ATP8A2: variants seen among roughly 807,000 people sequenced by gnomAD.
ATP8A2 encodes ATPase phospholipid transporting 8A2.
A neutral mutation model predicts 165.6 loss-of-function variants in ATP8A2; 100 were observed. The observed-to-expected ratio is 0.60, with a 90% CI of 0.51 to 0.71. The LOEUF (loss-of-function observed/expected upper bound fraction) is 0.71. Ranked by LOEUF, ATP8A2 falls within the 30% of genes least tolerant of loss-of-function variation. ATP8A2 has a pLI of 0.00. For missense variants in ATP8A2, 1,227 were observed against 1,479.5 expected, an observed-to-expected ratio of 0.83 and a Z score of 2.80; for synonymous variants, 543 against 548.8, an observed-to-expected ratio of 0.99 and a Z score of 0.15.
chr13:25,529,747 G>A lies in ATP8A2; in HGVS notation c.222-252G>A, dbSNP rs527784450. Among the ~76,000 whole-genome samples the A allele has an allele frequency of 1.3e-3, 202 of 152,242 alleles. 2 individuals carry two copies. Among genetic ancestry groups the A allele is most frequent in the African/African-American group, 4.1e-3 (169 of 41,554 alleles). Reference sequence around the variant, plus strand: ...GGGTAGATGTCTCTGCTTATGTTGTGTGAAAATTAAAGAAGCACATGTATA... The same window carrying A: ...GGGTAGATGTCTCTGCTTATGTTGTATGAAAATTAAAGAAGCACATGTATA... On this transcript the variant is annotated intron_variant, in intron 2 of 36. Transcript: ENST00000381655.
intron 27 of ATP8A2, among the ~76,000 whole-genome samples, chr13:25,794,711 A>ATATATAT (rs1279531623): frequency 1.3e-5 from 2 of 152,156 alleles, no homozygotes; most frequent in African/African-American, 4.8e-5. Context: ...AGAAACAGAT[A>ATATATAT]TATATATTCC....
intron 33 of ATP8A2, among the ~76,000 whole-genome samples, chr13:25,923,189 T>A (rs1037124181): frequency 6.6e-6 from 1 of 152,180 alleles, no homozygotes; most frequent in African/African-American, 2.4e-5. Context: ...ACAATACCAG[T>A]CAAGTTTCCC....
At chr13:25,884,452 G>A (rs146993287) in intron 33 of ATP8A2, among the ~76,000 whole-genome samples, 1 of 152,312 alleles carries the variant, frequency 6.6e-6, no homozygotes, top group East Asian at 1.9e-4. Flanking sequence ...CTTCTCGCGG[G>A]TGCCTTCTAG....
chr13:26,014,235 T>C (rs917914407), intron 36 of ATP8A2, among the ~76,000 whole-genome samples: 3 of 152,220 alleles, frequency 2.0e-5, no homozygotes, highest in African/African-American at 7.2e-5. Flanking sequence ...GAGAACTTAC[T>C]GGATGCCAGA....
intron 24 of ATP8A2, among the ~76,000 whole-genome samples, chr13:25,642,482 A>G (rs2041553369): frequency 6.6e-6 from 1 of 152,246 alleles, no homozygotes; most frequent in Non-Finnish European, 1.5e-5. Flanking sequence ...TGCAGCCAAC[A>G]GACACATAAA....
intron 24 of ATP8A2, among the ~76,000 whole-genome samples, chr13:25,648,577 T>C (rs1197337660): frequency 2.0e-5 from 3 of 152,080 alleles, no homozygotes; most frequent in African/African-American, 7.2e-5. Flanking sequence ...GGCAGGAGAA[T>C]TGCTTGAACC....
chr13:25,989,273 A>G (rs948892423), intron 35 of ATP8A2, among the ~76,000 whole-genome samples: 5 of 151,940 alleles, frequency 3.3e-5, no homozygotes, highest in African/African-American at 9.7e-5. Context: ...AGAGACGAGT[A>G]TGGGGAAGGT....
At chr13:25,905,218 G>C (rs1566256385) in intron 33 of ATP8A2, among the ~76,000 whole-genome samples, 1 of 152,000 alleles carries the variant, frequency 6.6e-6, no homozygotes, top group Admixed American at 6.5e-5. Flanking sequence ...TCTTTCCGCA[G>C]ATAACCTCCT....
At chr13:25,974,435 T>G in intron 35 of ATP8A2, among the ~76,000 whole-genome samples, 2 of 150,608 alleles carry the variant, frequency 1.3e-5, no homozygotes, top group South Asian at 2.1e-4. Context: ...GACATGGGAG[T>G]GGTGTGGACG....
At chr13:25,875,057 G>T (rs915236691) in intron 33 of ATP8A2, among the ~76,000 whole-genome samples, 2 of 151,952 alleles carry the variant, frequency 1.3e-5, no homozygotes, top group Non-Finnish European at 2.9e-5. Context: ...GTGAGTACTC[G>T]TAGAGACAGG....
chr13:25,558,896 T>C (rs1593531014), intron 13 of ATP8A2, 77 bp from the exon 14 acceptor site: 1 of 1,030,700 alleles, frequency 9.7e-7, no homozygotes, highest in East Asian at 2.5e-5. Flanking sequence ...TTGAAAAATA[T>C]AGAAGGAAAG....
Position 25,574,864 on chromosome 13 carries a change from T to C in ATP8A2, c.1712+7T>C, listed in dbSNP as rs2039571903. 1.4e-6 allele frequency: 2 copies of C among 1,452,748 alleles called. No homozygotes were observed. The highest frequency in any genetic ancestry group is 2.2e-5 in the East Asian group (1 of 44,484). 90.0% of individuals were successfully genotyped at this position (1,452,748 alleles called of 1,614,324 possible). A position where few individuals can be genotyped will look rare whatever the true frequency, so the allele number is the denominator to read the frequency against. Reference sequence around the variant, plus strand: ...ATGTCCTGGAATTTTCTAGGTATGTTTCTCTTTCATACGTTTGAAATAAAA... The same window carrying C: ...ATGTCCTGGAATTTTCTAGGTATGTCTCTCTTTCATACGTTTGAAATAAAA... On this transcript the variant is annotated splice_region_variant and intron_variant, in intron 19 of 36. Transcript: ENST00000381655.
chr13:25,860,681 T>G (rs968050871), intron 31 of ATP8A2, 123 bp from the exon 32 acceptor site: 268 of 716,834 alleles, frequency 3.7e-4, no homozygotes, highest in East Asian at 2.7e-5. Context: ...ACATGGCTGG[T>G]GCTTTCAAAC....
intron 24 of ATP8A2, among the ~76,000 whole-genome samples, chr13:25,697,256 A>G (rs140977842): frequency 1.3e-3 from 198 of 149,734 alleles, no homozygotes; most frequent in Non-Finnish European, 2.0e-3. Context: ...TTTCCTTGAT[A>G]GGGAAAATTC....
chr13:25,511,446 T>G (rs984141749), intron 2 of ATP8A2, among the ~76,000 whole-genome samples: 4 of 152,194 alleles, frequency 2.6e-5, no homozygotes, highest in Admixed American at 6.5e-5. Flanking sequence ...TTTCTTGAGT[T>G]GTATTCCCTG....
rs1000553494 is a variant in ATP8A2 at position 25,372,056 on chromosome 13, C to T, written c.-157C>T. 4 of 342,598 alleles carry T rather than the reference C, an allele frequency of 1.2e-5. No homozygotes were observed. The highest frequency in any genetic ancestry group is 1.9e-5 in the Non-Finnish European group (4 of 205,752). The allele number at this position is 342,598 out of a possible 1,614,324, so 21.2% of individuals were successfully genotyped here. A position where few individuals can be genotyped will look rare whatever the true frequency, so the allele number is the denominator to read the frequency against. On this transcript the variant is annotated 5_prime_UTR_variant, in exon 1 of 37. Coordinates refer to ENST00000381655, the MANE Select transcript of ATP8A2 (RefSeq NM_016529.6). The surrounding 1 kb of genome is among the most constrained non-coding windows in gnomAD (Gnocchi z 4.8). ...CGCTGCGGCACGGACGGCGCAGCCTCGGGCGCGGCCCGGCACAGGCGCCGG... is the reference window on the plus strand; with the variant it reads ...CGCTGCGGCACGGACGGCGCAGCCTTGGGCGCGGCCCGGCACAGGCGCCGG...
Position 25,720,536 on chromosome 13 carries a change from T to C in ATP8A2, c.2384+21191T>C, listed in dbSNP as rs140073643. 5.0e-3 allele frequency among the ~76,000 whole-genome samples: 760 copies of C among 152,304 alleles called. 5 individuals are homozygous for C. Among genetic ancestry groups the C allele is most frequent in the African/African-American group, 0.018 (732 of 41,564 alleles). On this transcript the variant is annotated intron_variant, in intron 25 of 36. Transcript: ENST00000381655. ...GGCAAAGAAAATAGGTTCATCTTTA[T>C]GGACCTTGGGATCTCCGTGTGAAAC...
At chr13:25,394,790 C>G (rs999116770) in intron 1 of ATP8A2, among the ~76,000 whole-genome samples, 1 of 152,216 alleles carries the variant, frequency 6.6e-6, no homozygotes, top group Non-Finnish European at 1.5e-5. Context: ...TCTCCCTCTC[C>G]CATACCAGAA....
At chr13:25,560,909 C>T (rs376966249) in intron 15 of ATP8A2, among the ~76,000 whole-genome samples, 145 of 148,776 alleles carry the variant, frequency 9.7e-4, no homozygotes, top group African/African-American at 3.3e-3. Context: ...TTTTTTGAGA[C>T]GGAGTCTCGC....
Sources: allele counts gnomAD v4.1 joint callset (sites outside exome capture counted in the v4.1 genomes callset), GRCh38; gene constraint gnomAD v4.1.1; non-coding constraint Gnocchi (gnomAD v3.1); transcripts MANE v1.5; gene names NCBI Gene and HGNC (gene_info 2026-07-23, HGNC 2026-07-21).